Variants in CDH4 observed in about 807,000 individuals in gnomAD.
The protein encoded by CDH4 is cadherin-4.
CDH4 carries 33 observed loss-of-function variants against 86.0 expected under a neutral mutation model. That is an observed-to-expected ratio of 0.38 (90% CI 0.29 to 0.51). CDH4 has a LOEUF of 0.51. Among genes scored for constraint, CDH4 ranks in the 20% least tolerant of loss-of-function variants. The pLI is 0.86. For synonymous variants in CDH4, 555 were observed against 549.4 expected (o/e 1.01, Z -0.14); for missense variants, 1,114 against 1,307.4 (o/e 0.85, Z 2.28).
intron 3 of CDH4, among the ~76,000 whole-genome samples, chr20:61,758,503 G>C (rs540711462): frequency 1.3e-5 from 2 of 152,292 alleles, no homozygotes; most frequent in South Asian, 4.1e-4. Flanking sequence ...CGAGGAGTTA[G>C]GGGCAGAGGG....
At chr20:61,418,156 T>C (rs2085156904) in intron 2 of CDH4, among the ~76,000 whole-genome samples, 1 of 152,014 alleles carries the variant, frequency 6.6e-6, no homozygotes, top group African/African-American at 2.4e-5. Flanking sequence ...AGAAGACAGA[T>C]GAAAGTGAAA....
chr20:61,924,805 G>C (rs748712076), intron 11 of CDH4, among the ~76,000 whole-genome samples: 2 of 152,214 alleles, frequency 1.3e-5, no homozygotes, highest in African/African-American at 2.4e-5. Context: ...CAGGGCACTG[G>C]TCATCCCAGG....
At chr20:61,338,797 A>G (rs532537010) in intron 2 of CDH4, among the ~76,000 whole-genome samples, 1 of 152,312 alleles carries the variant, frequency 6.6e-6, no homozygotes, top group African/African-American at 2.4e-5. Context: ...GGGCGAAGAT[A>G]ATATTGTAAG....
At chr20:61,863,864 TG>T (rs1207587754) in intron 6 of CDH4, among the ~76,000 whole-genome samples, 4 of 152,160 alleles carry the variant, frequency 2.6e-5, no homozygotes, top group Admixed American at 2.0e-4. Context: ...CTCCTGCGGA[TG>T]GAAAGAGGCC....
Position 61,898,075 on chromosome 20 carries a change from C to T in CDH4, c.1188+3028C>T, listed in dbSNP as rs527925713. Among the ~76,000 whole-genome samples, 587 of 152,246 alleles carry T rather than the reference C, an allele frequency of 3.9e-3. 4 individuals are homozygous for T. The highest frequency in any genetic ancestry group is 6.5e-3 in the Non-Finnish European group (443 of 68,004). On this transcript the variant is annotated intron_variant, in intron 8 of 15. Coordinates refer to ENST00000614565, the MANE Select transcript of CDH4 (RefSeq NM_001794.5). ...TGGAGAAGGGGTGTCAGTAAATACT[C>T]GGGGTTAGGATGGCCCTTGGTGTGT...
At chr20:61,700,666 C>T (rs1409873132) in intron 2 of CDH4, among the ~76,000 whole-genome samples, 9 of 151,452 alleles carry the variant, frequency 5.9e-5, no homozygotes, top group Non-Finnish European at 1.3e-4. Flanking sequence ...TGGGGCCACA[C>T]GTCACCCCAT....
At chr20:61,401,366 G>T (rs557163326) in intron 2 of CDH4, among the ~76,000 whole-genome samples, 94 of 145,482 alleles carry the variant, frequency 6.5e-4, no homozygotes, top group African/African-American at 2.4e-3. Context: ...GAACTATGCA[G>T]AAATCATCCA....
At chr20:61,690,854 G>A (rs2087645203) in intron 2 of CDH4, among the ~76,000 whole-genome samples, 1 of 152,090 alleles carries the variant, frequency 6.6e-6, no homozygotes, top group South Asian at 2.1e-4. Context: ...GAGGTTTCAG[G>A]GAAAAGCCAG....
intron 2 of CDH4, among the ~76,000 whole-genome samples, chr20:61,404,173 G>A (rs1437960211): frequency 2.0e-5 from 3 of 151,910 alleles, no homozygotes; most frequent in East Asian, 1.9e-4. Context: ...GGGGTCCTGG[G>A]CCAGGACTCC....
intron 3 of CDH4, among the ~76,000 whole-genome samples, chr20:61,767,534 C>G (rs1016756317): frequency 6.6e-6 from 1 of 152,164 alleles, no homozygotes; most frequent in African/African-American, 2.4e-5. Flanking sequence ...AGGAGCAGGG[C>G]CTTGGGCGGT....
intron 4 of CDH4, among the ~76,000 whole-genome samples, chr20:61,800,962 C>T (rs1049160424): frequency 2.0e-4 from 30 of 152,212 alleles, no homozygotes; most frequent in African/African-American, 7.2e-4. Context: ...GCTGCAGGGC[C>T]CTCCTGGGAC....
At chr20:61,915,295 C>T (rs78050418) in intron 9 of CDH4, among the ~76,000 whole-genome samples, 16,117 of 152,202 alleles carry the variant, frequency 0.11, 1,970 homozygotes, top group East Asian at 0.44. Flanking sequence ...GGTTTGAGGC[C>T]GAGGCTGAGG....
chr20:61,773,519 GGATGACTAA>G (rs1387491704), intron 4 of CDH4, among the ~76,000 whole-genome samples: 1 of 152,142 alleles, frequency 6.6e-6, no homozygotes, highest in Non-Finnish European at 1.5e-5. Context: ...TTCTTTCCAT[GGATGACTAA>G]GATCCCGGAT....
At chr20:61,839,850 G>GTATGTGTGT (rs1346881452) in intron 4 of CDH4, among the ~76,000 whole-genome samples, 4 of 151,734 alleles carry the variant, frequency 2.6e-5, no homozygotes, top group Non-Finnish European at 4.4e-5. Flanking sequence ...ATGCGTATGT[G>GTATGTGTGT]TATGTGTGTT....
intron 2 of CDH4, among the ~76,000 whole-genome samples, chr20:61,301,923 C>T (rs114097185): frequency 1.0e-3 from 155 of 152,278 alleles, no homozygotes; most frequent in African/African-American, 3.5e-3. Flanking sequence ...CATTAACAAC[C>T]GGGGGTTTGG....
chr20:61,459,841 C>T (rs1198974991), intron 2 of CDH4, among the ~76,000 whole-genome samples: 2 of 152,010 alleles, frequency 1.3e-5, no homozygotes, highest in East Asian at 3.9e-4. Context: ...CAGAAGGCAG[C>T]TCCTTGAACC....
At chr20:61,730,801 A>C (rs1275775818) in intron 2 of CDH4, among the ~76,000 whole-genome samples, 1 of 151,930 alleles carries the variant, frequency 6.6e-6, no homozygotes, top group Non-Finnish European at 1.5e-5. Flanking sequence ...CAGAAACGCC[A>C]GATCTACTTG....
chr20:61,935,097 C>A (rs1299655450), intron 15 of CDH4, among the ~76,000 whole-genome samples: 3 of 152,168 alleles, frequency 2.0e-5, no homozygotes, highest in African/African-American at 7.2e-5. Context: ...CTGGCCTCGC[C>A]TGTGGCTCTG....
intron 7 of CDH4, among the ~76,000 whole-genome samples, chr20:61,877,449 G>A (rs1260234712): frequency 1.3e-5 from 2 of 150,736 alleles, no homozygotes; most frequent in African/African-American, 4.9e-5. Flanking sequence ...GCCATTAGAG[G>A]TGTGGTTGAC....
Sources: allele counts gnomAD v4.1 joint callset (sites outside exome capture counted in the v4.1 genomes callset), GRCh38; gene constraint gnomAD v4.1.1; transcripts MANE v1.5; gene names NCBI Gene and HGNC (gene_info 2026-07-23, HGNC 2026-07-21).